Variants in SLC26A11 observed in about 807,000 individuals in gnomAD.
SLC26A11 encodes the protein solute carrier family 26 member 11.
SLC26A11 carries 58 observed loss-of-function variants against 62.2 expected under a neutral mutation model. That is an observed-to-expected ratio of 0.93 (90% confidence interval 0.76 to 1.16). SLC26A11 has a LOEUF of 1.16. Among genes scored for constraint, SLC26A11 ranks in the 50% most tolerant of loss-of-function variants. The probability of loss-of-function intolerance (pLI) is 0.00; values close to 1 mark genes in which losing one functional copy is unlikely to be tolerated. For synonymous variants in SLC26A11, 411 were observed against 368.9 expected, an observed-to-expected ratio of 1.11 and a Z score of -1.31; for missense variants, 790 against 794.3, an observed-to-expected ratio of 0.99 and a Z score of 0.06.
rs1414024583 is a variant in SLC26A11, at chr17:80,236,911, C to T, written c.737-17C>T. ...GCCGGGAGCAGGGTCTCGGACGCAC[C>T]TCTCCTTCTCTCCTAGCTCGCAACG... is the stretch of plus-strand genomic sequence containing the variant. On this transcript the variant is annotated splice_polypyrimidine_tract_variant and intron_variant, in intron 7 of 17. Transcript: ENST00000361193. 3.1e-6 allele frequency: 5 copies of T among 1,599,076 alleles called. No homozygotes were observed. Among genetic ancestry groups the T allele is most frequent in the East Asian group, 2.2e-5 (1 of 44,454 alleles).
rs76694830 is a variant in SLC26A11, at chr17:80,248,913, G to T, written c.1522+239G>T. ...CCTAAAGTCCGGTTCCTGTTTCTGG[G>T]GGGTTGATTTTAGGGGAGCTAAGGG... On this transcript the variant is annotated intron_variant, in intron 15 of 17. Transcript: ENST00000361193. Among the ~76,000 whole-genome samples, 24 of 152,308 alleles carry T rather than the reference G, an allele frequency of 1.6e-4. No individual in the cohort carries two copies. The East Asian group carries it at 4.4e-3, about 28-fold the overall frequency.
chr17:80,234,603 C>T (rs1235770290), intron 7 of SLC26A11, among the ~76,000 whole-genome samples: 1 of 152,128 alleles, frequency 6.6e-6, no homozygotes, highest in Non-Finnish European at 1.5e-5. Context: ...TACTGTCCCC[C>T]TATGCGATTC....
intron 14 of SLC26A11, 111 bp from the exon 15 acceptor site, chr17:80,248,464 C>A: frequency 7.6e-7 from 1 of 1,312,860 alleles, no homozygotes; most frequent in South Asian, 1.4e-5. Context: ...CACCCCTCTC[C>A]CGGTCCCCTG....
chr17:80,233,265 C>T (rs2042606814), intron 7 of SLC26A11, among the ~76,000 whole-genome samples: 1 of 150,688 alleles, frequency 6.6e-6, no homozygotes, highest in Admixed American at 6.6e-5. Flanking sequence ...TCCTGAGTAG[C>T]TTGGTCTACA....
intron 7 of SLC26A11, among the ~76,000 whole-genome samples, chr17:80,229,291 C>T (rs1355199775): frequency 1.3e-5 from 2 of 152,000 alleles, no homozygotes; most frequent in Non-Finnish European, 2.9e-5. Context: ...GCAGAGGATG[C>T]TGGGTTTAGA....
chr17:80,251,525 G>A (rs2043155672), intron 17 of SLC26A11, 124 bp downstream of exon 17: 3 of 1,267,184 alleles, frequency 2.4e-6, no homozygotes, highest in Admixed American at 2.4e-5. Flanking sequence ...CACTTTGGGA[G>A]GCCGAGGCAG....
intron 9 of SLC26A11, 57 bp from the exon 10 acceptor site, chr17:80,241,714 A>G (rs2042865827): frequency 6.4e-7 from 1 of 1,554,206 alleles, no homozygotes; most frequent in Admixed American, 1.7e-5. Flanking sequence ...TTTTGTGAAT[A>G]CTTTTTGAGC....
At chr17:80,237,295 C>T (rs571155532) in intron 8 of SLC26A11, 192 bp downstream of exon 8, 27 of 802,494 alleles carry the variant, frequency 3.4e-5, no homozygotes, top group Non-Finnish European at 4.8e-5. Context: ...AGGGATGTCA[C>T]GTTTGTGTTC....
At chr17:80,238,109 A>G (rs1389558648) in intron 9 of SLC26A11, among the ~76,000 whole-genome samples, 1 of 152,206 alleles carries the variant, frequency 6.6e-6, no homozygotes, top group Non-Finnish European at 1.5e-5. Flanking sequence ...TGTAATCCCA[A>G]CACTTTGGGA....
In SLC26A11 at chr17:80,246,510, A is replaced by G. The variant is rs750810741; in HGVS notation, c.1155A>G (p.Gly385=). 5.0e-6 allele frequency: 8 copies of G among 1,610,880 alleles called. No homozygotes were observed. In the East Asian group the frequency reaches 1.8e-4, roughly 36 times the overall value. The change falls in exon 13 of 18, where the codon GGA becomes GGG. Residue 385 remains glycine (G), a splice_region_variant and synonymous_variant. Transcript: ENST00000361193. This position sits in a 1 kb window ranked among gnomAD's most constrained non-coding sequence, Gnocchi z 4.4. ...CACCTGTGTTCCCGTGCCCCGCAGG[A>G]GTGCTGGTGCTGCTGTCTCTGGACT... ...VCTPAGGLVT[G]VLVLLSLDYL...
rs1366945322 is a variant in SLC26A11, at chr17:80,237,190, CA to C, written c.912+88del. The C allele has an allele frequency of 2.0e-6, 3 of 1,477,446 alleles. No homozygotes were observed. In the African/African-American group the frequency reaches 4.2e-5, roughly 21 times the overall value. The allele number at this position is 1,477,446 out of a possible 1,614,324, so 91.5% of individuals were successfully genotyped here. A position where few individuals can be genotyped will look rare whatever the true frequency, so the allele number is the denominator to read the frequency against. On this transcript the variant is annotated intron_variant, in intron 8 of 17. Coordinates refer to ENST00000361193, the MANE Select transcript of SLC26A11 (RefSeq NM_001166347.2). ...CTACCCTGATGTATCTGCTGGGTGC[CA>C]GGGGGTCTGAGGTCAGTTAGGACAG...
In SLC26A11 at chr17:80,222,853, G is replaced by T. The variant is rs774698044; in HGVS notation, c.427+6G>T. On this transcript the variant is annotated splice_donor_region_variant and intron_variant, in intron 4 of 17. Transcript: ENST00000361193. This position sits in a 1 kb window ranked among gnomAD's most constrained non-coding sequence, Gnocchi z 4.7. ...CATGGGGGTCCTGCGTTTGGGTGAG[G>T]CTCTACCTTCTTGCCAAGGGGATGC... 6.2e-7 allele frequency: 1 copy of T among 1,612,906 alleles called. No individual in the cohort carries two copies. Among genetic ancestry groups the T allele is most frequent in the Non-Finnish European group, 8.5e-7 (1 of 1,179,256 alleles).
chr17:80,245,071 C>T, intron 10 of SLC26A11, 125 bp from the exon 11 acceptor site: 3 of 793,824 alleles, frequency 3.8e-6, no homozygotes, highest in Admixed American at 3.9e-5. Flanking sequence ...CCCAGGCCCC[C>T]AGGATGATTC....
At chr17:80,247,371 C>T (rs1035895492) in intron 13 of SLC26A11, among the ~76,000 whole-genome samples, 5 of 152,294 alleles carry the variant, frequency 3.3e-5, no homozygotes, top group East Asian at 3.9e-4. Flanking sequence ...ACCTCCCAGA[C>T]GGGGTGGTGG....
chr17:80,251,769 A>C (rs1334010234), intron 17 of SLC26A11, among the ~76,000 whole-genome samples: 1 of 151,816 alleles, frequency 6.6e-6, no homozygotes, highest in Non-Finnish European at 1.5e-5. Flanking sequence ...TCTCAAAAAA[A>C]AAAAAAACAA....
intron 1 of SLC26A11, 105 bp from the exon 2 acceptor site, chr17:80,220,811 G>C (rs1384651950): frequency 1.3e-5 from 2 of 153,718 alleles, no homozygotes; most frequent in Non-Finnish European, 2.9e-5. Flanking sequence ...AGCGGCCGGG[G>C]GCGTGGGGGG....
chr17:80,248,130 G>A lies in SLC26A11; in HGVS notation c.1295G>A (p.Arg432Lys), dbSNP rs1413378286. The change falls in exon 14 of 18, where the codon AGG becomes AAG. Residue 432 changes from arginine to lysine, a missense_variant and splice_region_variant. By Grantham distance (26) the Arg-to-Lys change is conservative. Transcript: ENST00000361193. ...TTCCTCAGCTGTGCCCTTCTCCTAG[G>A]GCTGGACCTGCTGCCCCTGTGCGTG... ...KIFRTLWRVK[R>K]LDLLPLCVTF... 3 of 1,601,804 alleles carry A rather than the reference G, an allele frequency of 1.9e-6. No individual in the cohort carries two copies. Among genetic ancestry groups the A allele is most frequent in the African/African-American group, 2.7e-5 (2 of 74,896 alleles).
chr17:80,225,680 T>G (rs2042387840), intron 5 of SLC26A11, 157 bp from the exon 6 acceptor site: 2 of 659,972 alleles, frequency 3.0e-6, no homozygotes, highest in Middle Eastern at 8.4e-4. Context: ...AGTGGGCAGG[T>G]GGACCCCTGA....
At chr17:80,248,743 C>A in intron 15 of SLC26A11, 69 bp downstream of exon 15, 1 of 1,438,024 alleles carries the variant, frequency 7.0e-7, no homozygotes. Flanking sequence ...CCCTGCTGTT[C>A]AGGACCCCAA....
Sources: allele counts gnomAD v4.1 joint callset (sites outside exome capture counted in the v4.1 genomes callset), GRCh38; gene constraint gnomAD v4.1.1; non-coding constraint Gnocchi (gnomAD v3.1); transcripts MANE v1.5; gene names NCBI Gene and HGNC (gene_info 2026-07-23, HGNC 2026-07-21).